DAB1: variants seen among roughly 807,000 people sequenced by gnomAD.
DAB1 encodes DAB adaptor protein 1.
A neutral mutation model predicts 64.6 loss-of-function variants in DAB1; 15 were observed. The observed-to-expected ratio is 0.23, with a 90% CI of 0.16 to 0.36. DAB1 has a LOEUF of 0.36. Among genes scored for constraint, DAB1 ranks in the 10% least tolerant of loss-of-function variants. The probability of loss-of-function intolerance (pLI) is 1.00; values close to 1 mark genes in which losing one functional copy is unlikely to be tolerated. For missense variants in DAB1, 596 were observed against 706.7 expected (o/e 0.84, Z 1.78); for synonymous variants, 235 against 251.9 (o/e 0.93, Z 0.64).
intron 2 of DAB1, among the ~76,000 whole-genome samples, chr1:57,233,056 T>A (rs565846): frequency 0.65 from 97,759 of 151,562 alleles, 32,102 homozygotes; most frequent in East Asian, 0.85. Flanking sequence ...AAACTGTTTT[T>A]AAAAATAAAG....
rs543399395 is a variant in DAB1, at chr1:58,127,940, G to A, written n.387+22571C>T. On this transcript the variant is annotated intron_variant and non_coding_transcript_variant, in intron 5 of 20. Coordinates refer to the DAB1 transcript ENST00000485760. ...TGGCTTAGGATTGACTTGGCTATGC[G>A]GGCTCTTTTTTGGTTCCATATGAAC... is the stretch of plus-strand genomic sequence containing the variant. Among the ~76,000 whole-genome samples the A allele has an allele frequency of 5.3e-5, 8 of 152,206 alleles. No homozygotes were observed. In the South Asian group the frequency reaches 6.2e-4, roughly 12 times the overall value.
At chr1:57,962,362 A>C (rs982301880) in intron 5 of DAB1, among the ~76,000 whole-genome samples, 1 of 152,128 alleles carries the variant, frequency 6.6e-6, no homozygotes, top group Non-Finnish European at 1.5e-5. Flanking sequence ...GTATTTGTAC[A>C]GAGACATTTT....
chr1:57,658,609 C>T (rs1187426636), intron 6 of DAB1, among the ~76,000 whole-genome samples: 2 of 152,222 alleles, frequency 1.3e-5, no homozygotes, highest in African/African-American at 4.8e-5. Flanking sequence ...ATCACCCAGG[C>T]TGGAGTACAA....
intron 7 of DAB1, among the ~76,000 whole-genome samples, chr1:57,510,967 A>C (rs1278851959): frequency 2.0e-5 from 3 of 152,118 alleles, no homozygotes; most frequent in Non-Finnish European, 2.9e-5. Flanking sequence ...TAACTTCATT[A>C]ACTTTTTTGA....
intron 7 of DAB1, among the ~76,000 whole-genome samples, chr1:57,525,565 G>T (rs1235830527): frequency 6.6e-6 from 1 of 152,072 alleles, no homozygotes; most frequent in African/African-American, 2.4e-5. Flanking sequence ...GTCATAGTAA[G>T]GTAAAACTGA....
chr1:58,341,959 T>C (rs1199955308), intron 4 of DAB1, among the ~76,000 whole-genome samples: 2 of 152,146 alleles, frequency 1.3e-5, no homozygotes, highest in East Asian at 3.9e-4. Flanking sequence ...CTAAGATATA[T>C]AGCTTGAAAA....
intron 3 of DAB1, among the ~76,000 whole-genome samples, chr1:58,499,885 T>C (rs943356078): frequency 3.3e-5 from 5 of 151,994 alleles, no homozygotes; most frequent in Admixed American, 6.6e-5. Flanking sequence ...CTAATACACA[T>C]CAGTATTCTG....
At chr1:58,321,453 G>A (rs1303991803) in intron 4 of DAB1, among the ~76,000 whole-genome samples, 9 of 152,348 alleles carry the variant, frequency 5.9e-5, no homozygotes, top group Admixed American at 2.6e-4. Flanking sequence ...GAAGCAGGGC[G>A]AGGCATCACC....
intron 4 of DAB1, among the ~76,000 whole-genome samples, chr1:58,323,289 C>A (rs181219943): frequency 6.6e-6 from 1 of 151,708 alleles, no homozygotes; most frequent in African/African-American, 2.4e-5. Flanking sequence ...ACTCTCCTTG[C>A]TCTTCTCACC....
At chr1:58,154,458 TCA>T (rs1655114125) in intron 4 of DAB1, among the ~76,000 whole-genome samples, 2 of 150,388 alleles carry the variant, frequency 1.3e-5, no homozygotes, top group African/African-American at 5.0e-5. Flanking sequence ...AGTTCTTCAT[TCA>T]TTCATTCATT....
At chr1:58,322,386 T>C (rs1296380541) in intron 4 of DAB1, among the ~76,000 whole-genome samples, 1 of 151,226 alleles carries the variant, frequency 6.6e-6, no homozygotes, top group Non-Finnish European at 1.5e-5. Flanking sequence ...CTTAAACAAA[T>C]TTACAAGAAA....
intron 1 of DAB1, among the ~76,000 whole-genome samples, chr1:57,351,025 C>T (rs554400548): frequency 6.6e-6 from 1 of 152,180 alleles, no homozygotes; most frequent in Non-Finnish European, 1.5e-5. Flanking sequence ...TCACTTCTTA[C>T]ATACTAGCCA....
intron 3 of DAB1, among the ~76,000 whole-genome samples, chr1:58,428,321 C>T (rs1387999555): frequency 6.6e-6 from 1 of 152,164 alleles, no homozygotes; most frequent in African/African-American, 2.4e-5. Flanking sequence ...CAGATCTGCT[C>T]ACTAATTTAC....
intron 1 of DAB1, among the ~76,000 whole-genome samples, chr1:57,826,902 T>A (rs1379373390): frequency 1.3e-5 from 2 of 152,166 alleles, no homozygotes; most frequent in East Asian, 3.9e-4. Context: ...TTAGTAATAG[T>A]GTCACTGACC....
At chr1:57,557,558 A>G (rs1645004583) in intron 7 of DAB1, among the ~76,000 whole-genome samples, 1 of 152,122 alleles carries the variant, frequency 6.6e-6, no homozygotes, top group South Asian at 2.1e-4. Flanking sequence ...AGAGGGACAG[A>G]ATATTAAGGA....
At chr1:58,224,746 C>T in intron 4 of DAB1, among the ~76,000 whole-genome samples, 1 of 152,130 alleles carries the variant, frequency 6.6e-6, no homozygotes, top group Admixed American at 6.6e-5. Context: ...GCTGGGAAAA[C>T]TGGCTAGCCA....
intron 4 of DAB1, among the ~76,000 whole-genome samples, chr1:58,253,537 C>T (rs980867676): frequency 6.6e-6 from 1 of 152,240 alleles, no homozygotes; most frequent in Admixed American, 6.5e-5. Context: ...CATCACATCA[C>T]CACTGATAAA....
chr1:57,486,318 C>T (rs1023416922), intron 7 of DAB1, among the ~76,000 whole-genome samples: 4 of 152,198 alleles, frequency 2.6e-5, no homozygotes, highest in Non-Finnish European at 5.9e-5. Flanking sequence ...TTCAGAGTGC[C>T]TCTTCTAGGA....
At chr1:57,390,302 A>G (rs887957845) in intron 1 of DAB1, among the ~76,000 whole-genome samples, 10 of 152,236 alleles carry the variant, frequency 6.6e-5, no homozygotes, top group South Asian at 2.1e-4. Context: ...TAGGCAAATC[A>G]TTTAACTTGG....
Sources: gnomAD v4.1 joint callset for allele counts (sites outside exome capture counted in the v4.1 genomes callset) on GRCh38, gnomAD v4.1.1 for gene constraint, MANE v1.5 for transcripts, NCBI Gene and HGNC (gene_info 2026-07-23, HGNC 2026-07-21) for gene names.